Variants in EPHA6 observed in about 807,000 individuals in gnomAD.
The protein encoded by EPHA6 is ephrin type-A receptor 6.
Under a neutral mutation model 112.0 loss-of-function variants are expected in EPHA6, and 50 were observed. The ratio of observed to expected loss-of-function variants is 0.45; its 90% CI spans 0.36 to 0.56. The LOEUF is 0.56. Among genes scored for constraint, EPHA6 ranks in the 20% least tolerant of loss-of-function variants. The probability of loss-of-function intolerance (pLI) is 0.00; values close to 1 mark genes in which losing one functional copy is unlikely to be tolerated. For synonymous variants in EPHA6, 529 were observed against 490.7 expected (o/e 1.08, Z -1.03); for missense variants, 1,280 against 1,417.4 (o/e 0.90, Z 1.56).
At chr3:97,709,123 A>T (rs921844594) in intron 14 of EPHA6, among the ~76,000 whole-genome samples, 2 of 149,280 alleles carry the variant, frequency 1.3e-5, no homozygotes, top group Non-Finnish European at 3.0e-5. Context: ...TCAAGACCCC[A>T]GAGTGTTACA....
Position 96,965,368 on chromosome 3 carries a change from CCTAT to C in EPHA6, c.451-21958_451-21955del, listed in dbSNP as rs1355305372. On this transcript the variant is annotated intron_variant, in intron 2 of 17. Coordinates refer to ENST00000389672, the MANE Select transcript of EPHA6 (RefSeq NM_001080448.3). ...GAAAAAAATTGGTTTTTCATTTTTACCTATCTAATGGGCCTAAAATGTTACTCTA... is the reference window on the plus strand; with the variant it reads ...GAAAAAAATTGGTTTTTCATTTTTACCTAATGGGCCTAAAATGTTACTCTA... Among the ~76,000 whole-genome samples, 5 of 152,104 alleles carry C rather than the reference CCTAT, an allele frequency of 3.3e-5. No homozygotes were observed. The East Asian group carries it at 9.7e-4, about 29-fold the overall frequency.
chr3:96,922,768 C>T (rs1559834130), intron 2 of EPHA6, among the ~76,000 whole-genome samples: 1 of 152,172 alleles, frequency 6.6e-6, no homozygotes, highest in East Asian at 1.9e-4. Context: ...TTAAGCCCAG[C>T]ATCCATTAGC....
intron 14 of EPHA6, among the ~76,000 whole-genome samples, chr3:97,666,116 A>C (rs1432852283): frequency 6.6e-6 from 1 of 151,482 alleles, no homozygotes; most frequent in African/African-American, 2.4e-5. Flanking sequence ...CTTGCCTTGA[A>C]TTTTGTCCAA....
At chr3:97,606,301 T>A (rs2093679825) in intron 12 of EPHA6, 1 of 151,252 alleles carries the variant, frequency 6.6e-6, no homozygotes, top group Non-Finnish European at 1.5e-5. Context: ...AAATAATGAT[T>A]TTTCAAGAGT....
At chr3:96,843,844 T>A (rs762551349) in intron 1 of EPHA6, among the ~76,000 whole-genome samples, 1 of 152,078 alleles carries the variant, frequency 6.6e-6, no homozygotes, top group Non-Finnish European at 1.5e-5. Flanking sequence ...TAAGAAATAT[T>A]CTTTTTTTAA....
intron 5 of EPHA6, among the ~76,000 whole-genome samples, chr3:97,306,220 A>G (rs1343947872): frequency 6.6e-6 from 1 of 151,826 alleles, no homozygotes; most frequent in Non-Finnish European, 1.5e-5. Flanking sequence ...AAAGACAGTC[A>G]AACACATTTA....
chr3:97,193,109 T>G (rs1180738310), intron 3 of EPHA6, among the ~76,000 whole-genome samples: 4 of 152,118 alleles, frequency 2.6e-5, no homozygotes, highest in Admixed American at 6.5e-5. Flanking sequence ...TCAGGATAGC[T>G]CTCGCTATTC....
At chr3:97,481,104 C>T in intron 9 of EPHA6, 1 of 552,292 alleles carries the variant, frequency 1.8e-6, no homozygotes, top group Non-Finnish European at 3.5e-6. Context: ...AATCTCGACA[C>T]TTTGGGAGGC....
intron 2 of EPHA6, among the ~76,000 whole-genome samples, chr3:96,890,307 C>G (rs2037879051): frequency 6.6e-6 from 1 of 151,958 alleles, no homozygotes; most frequent in Admixed American, 6.6e-5. Flanking sequence ...CTCCCACAAA[C>G]CAACAAGAAG....
At chr3:96,919,045 CAA>C (rs1226657722) in intron 2 of EPHA6, among the ~76,000 whole-genome samples, 1 of 151,826 alleles carries the variant, frequency 6.6e-6, no homozygotes, top group Non-Finnish European at 1.5e-5. Context: ...TTCTTTAAGA[CAA>C]ATTTTGTTGT....
intron 10 of EPHA6, among the ~76,000 whole-genome samples, chr3:97,509,190 AG>A (rs2092319166): frequency 6.6e-6 from 1 of 151,178 alleles, no homozygotes; most frequent in Non-Finnish European, 1.5e-5. Context: ...TTTACATTTA[AG>A]GGTAATATTG....
chr3:97,614,193 C>T (rs1356684697), intron 13 of EPHA6, among the ~76,000 whole-genome samples: 2 of 151,714 alleles, frequency 1.3e-5, no homozygotes, highest in Non-Finnish European at 2.9e-5. Context: ...ATGTCAACCA[C>T]AAAAAAATTC....
At chr3:97,276,668 C>T (rs1200754949) in intron 5 of EPHA6, among the ~76,000 whole-genome samples, 1 of 151,864 alleles carries the variant, frequency 6.6e-6, no homozygotes, top group African/African-American at 2.4e-5. Context: ...AAGTCGGGAG[C>T]GGATTGGGTA....
At chr3:97,329,265 C>T (rs1437302093) in intron 5 of EPHA6, among the ~76,000 whole-genome samples, 28 of 151,044 alleles carry the variant, frequency 1.9e-4, no homozygotes, top group Non-Finnish European at 3.4e-4. Context: ...TGAATAGTGC[C>T]GCAATAAACA....
At chr3:97,058,453 C>G (rs2045919923) in intron 3 of EPHA6, among the ~76,000 whole-genome samples, 1 of 152,064 alleles carries the variant, frequency 6.6e-6, no homozygotes, top group Admixed American at 6.5e-5. Flanking sequence ...AGGCACCACC[C>G]TCCGGCCCCA....
In EPHA6 at chr3:96,814,822, A is replaced by G. The variant is rs2032625756; in HGVS notation, c.199A>G (p.Lys67Glu). Residue 67 changes from lysine to glutamate, a missense_variant, in exon 1 of 18, where the codon AAG becomes GAG. Lys to Glu is a moderately conservative substitution (Grantham distance 56). Coordinates refer to ENST00000389672, the MANE Select transcript of EPHA6 (RefSeq NM_001080448.3). ...EEEEEEEDVD[K>E]DPHPTQNTCL... is the part of the protein sequence containing the mutation. ...GGAGGAGGAGGAAGAAGACGTGGAC[A>G]AGGACCCCCATCCTACCCAGAACAC... 6.3e-7 allele frequency: 1 copy of G among 1,591,476 alleles called. No homozygotes were observed. The highest frequency in any genetic ancestry group is 8.6e-7 in the Non-Finnish European group (1 of 1,168,260).
chr3:97,361,005 C>T (rs944931090), intron 5 of EPHA6, among the ~76,000 whole-genome samples: 1 of 152,070 alleles, frequency 6.6e-6, no homozygotes, highest in Non-Finnish European at 1.5e-5. Context: ...TTGGATGTGC[C>T]CTTTTGAGTT....
intron 5 of EPHA6, among the ~76,000 whole-genome samples, chr3:97,281,183 C>A (rs1260316021): frequency 6.8e-6 from 1 of 147,822 alleles, no homozygotes; most frequent in African/African-American, 2.5e-5. Context: ...GAATTGCAAT[C>A]ATTAATTCAA....
chr3:97,431,992 A>G (rs1290800172), intron 6 of EPHA6, among the ~76,000 whole-genome samples: 1 of 152,108 alleles, frequency 6.6e-6, no homozygotes, highest in Non-Finnish European at 1.5e-5. Flanking sequence ...TGACAGCTAC[A>G]TTTACAACTA....
Sources: allele counts gnomAD v4.1 joint callset (sites outside exome capture counted in the v4.1 genomes callset), GRCh38; gene constraint gnomAD v4.1.1; transcripts MANE v1.5; gene names NCBI Gene and HGNC (gene_info 2026-07-23, HGNC 2026-07-21).